Variants in TBC1D22B observed in about 807,000 individuals in gnomAD.
TBC1D22B encodes the protein TBC1 domain family member 22B.
Under a neutral mutation model 69.1 loss-of-function variants are expected in TBC1D22B, and 32 were observed. The ratio of observed to expected loss-of-function variants is 0.46; its 90% CI spans 0.35 to 0.62. The LOEUF (loss-of-function observed/expected upper bound fraction) is 0.62, where lower values mean the gene tolerates loss of function less well. Ranked by LOEUF, TBC1D22B falls within the 20% of genes least tolerant of loss-of-function variation. The probability of loss-of-function intolerance (pLI) is 0.00; values close to 1 mark genes in which losing one functional copy is unlikely to be tolerated. For synonymous variants in TBC1D22B, 206 were observed against 229.8 expected, an observed-to-expected ratio of 0.90 and a Z score of 0.94; for missense variants, 462 against 630.9, an observed-to-expected ratio of 0.73 and a Z score of 2.87.
chr6:37,287,221 G>A (rs534449988), intron 7 of TBC1D22B, 149 bp downstream of exon 7: 2 of 569,326 alleles, frequency 3.5e-6, no homozygotes, highest in East Asian at 3.3e-5. Flanking sequence ...ATTTTCATTT[G>A]ATCTTTGTTA....
intron 12 of TBC1D22B, among the ~76,000 whole-genome samples, chr6:37,327,028 A>G (rs1398851385): frequency 6.6e-6 from 1 of 152,190 alleles, no homozygotes; most frequent in African/African-American, 2.4e-5. Context: ...TAGCAAAAAG[A>G]GGCAACACCT....
intron 8 of TBC1D22B, chr6:37,295,700 C>T: frequency 2.7e-6 from 1 of 367,920 alleles, no homozygotes. Flanking sequence ...CCTGGCTCCT[C>T]TCCAAATCCA....
intron 8 of TBC1D22B, among the ~76,000 whole-genome samples, chr6:37,304,155 C>G (rs1189097842): frequency 1.3e-5 from 2 of 152,226 alleles, no homozygotes; most frequent in East Asian, 3.8e-4. Flanking sequence ...AAAGTTCTCT[C>G]TCCCCTAAGG....
chr6:37,311,196 T>A (rs1255508734), intron 8 of TBC1D22B, among the ~76,000 whole-genome samples: 1 of 144,030 alleles, frequency 6.9e-6, no homozygotes, highest in Non-Finnish European at 1.5e-5. Context: ...TTTTTTTTTT[T>A]AGGTCATTCC....
chr6:37,310,027 TATA>T (rs954752851), intron 8 of TBC1D22B, among the ~76,000 whole-genome samples: 6 of 147,012 alleles, frequency 4.1e-5, no homozygotes, highest in African/African-American at 1.2e-4. Flanking sequence ...TATTATAAAA[TATA>T]AAATTATATT....
chr6:37,326,828 A>C (rs547030395), intron 12 of TBC1D22B, among the ~76,000 whole-genome samples: 9 of 152,344 alleles, frequency 5.9e-5, no homozygotes, highest in African/African-American at 2.2e-4. Flanking sequence ...ACAGAGGTGA[A>C]TATCACAAAT....
intron 12 of TBC1D22B, among the ~76,000 whole-genome samples, chr6:37,325,224 T>C (rs900312399): frequency 1.3e-5 from 2 of 152,206 alleles, no homozygotes; most frequent in Non-Finnish European, 2.9e-5. Context: ...CCTTTTCCTG[T>C]GTGAATTTTC....
chr6:37,317,012 G>C, intron 11 of TBC1D22B, 99 bp from the exon 12 acceptor site: 2 of 1,470,780 alleles, frequency 1.4e-6, no homozygotes. Context: ...CCCCAACCGT[G>C]AAAGAGTTTC....
chr6:37,298,203 A>C (rs994815894), intron 8 of TBC1D22B, among the ~76,000 whole-genome samples: 2 of 152,206 alleles, frequency 1.3e-5, no homozygotes, highest in Non-Finnish European at 2.9e-5. Context: ...AATTTAAAAA[A>C]AAAATCAAAA....
At chr6:37,274,741 A>G (rs1766607853) in intron 2 of TBC1D22B, among the ~76,000 whole-genome samples, 1 of 152,194 alleles carries the variant, frequency 6.6e-6, no homozygotes, top group African/African-American at 2.4e-5. Flanking sequence ...TGACTTTGAT[A>G]GAGTTGTGTT....
chr6:37,294,695 T>A (rs1767302067), intron 8 of TBC1D22B, among the ~76,000 whole-genome samples: 2 of 152,210 alleles, frequency 1.3e-5, no homozygotes. Context: ...AGCACATCTG[T>A]TTATGGCATG....
chr6:37,306,404 C>T (rs553725455), intron 8 of TBC1D22B, among the ~76,000 whole-genome samples: 13 of 152,172 alleles, frequency 8.5e-5, no homozygotes, highest in African/African-American at 1.9e-4. Context: ...CCTGAGCCTC[C>T]CAGAGCCTGT....
rs1222972212 is a variant in TBC1D22B at position 37,291,226 on chromosome 6, C to T, written c.868-17C>T. The T allele has an allele frequency of 6.4e-7, 1 of 1,565,180 alleles. No homozygotes were observed. The highest frequency in any genetic ancestry group is 1.7e-5 in the Admixed American group (1 of 59,862). ...CCCGTGATTTAACACTCGTGTCTTT[C>T]TTTCTCATTTTCCTAGATCTTTGAA... On this transcript the variant is annotated splice_polypyrimidine_tract_variant and intron_variant, in intron 7 of 12. Transcript: ENST00000373491.
intron 1 of TBC1D22B, among the ~76,000 whole-genome samples, chr6:37,264,206 A>G (rs895072519): frequency 2.6e-5 from 4 of 152,238 alleles, no homozygotes; most frequent in Non-Finnish European, 5.9e-5. Flanking sequence ...TTAGGGATAC[A>G]TACATAGAAA....
chr6:37,318,633 G>T (rs147688107), intron 12 of TBC1D22B, among the ~76,000 whole-genome samples: 3 of 152,316 alleles, frequency 2.0e-5, no homozygotes, highest in African/African-American at 7.2e-5. Flanking sequence ...ATGACTACAT[G>T]AAGAGGTCAG....
At chr6:37,280,590 G>A (rs1766793614) in intron 3 of TBC1D22B, among the ~76,000 whole-genome samples, 6 of 152,374 alleles carry the variant, frequency 3.9e-5, no homozygotes, top group Admixed American at 3.3e-4. Context: ...TACACACTGT[G>A]ATGGAGGGTC....
At chr6:37,284,203 A>G in intron 5 of TBC1D22B, 133 bp from the exon 6 acceptor site, 1 of 1,417,892 alleles carries the variant, frequency 7.1e-7, no homozygotes, top group South Asian at 1.2e-5. Flanking sequence ...ATGGGTGGCC[A>G]GAACCAAAAA....
chr6:37,304,936 A>T (rs943458736), intron 8 of TBC1D22B, among the ~76,000 whole-genome samples: 12 of 152,242 alleles, frequency 7.9e-5, no homozygotes, highest in African/African-American at 2.7e-4. Context: ...CAAGTGTGGG[A>T]GCAGGAGGCA....
chr6:37,322,366 C>T (rs374750947), intron 12 of TBC1D22B, among the ~76,000 whole-genome samples: 17 of 152,182 alleles, frequency 1.1e-4, no homozygotes, highest in African/African-American at 3.9e-4. Context: ...GGTGAAACTC[C>T]GTCAGCCAGG....
Sources: allele counts gnomAD v4.1 joint callset (sites outside exome capture counted in the v4.1 genomes callset), GRCh38; gene constraint gnomAD v4.1.1; transcripts MANE v1.5; gene names NCBI Gene and HGNC (gene_info 2026-07-23, HGNC 2026-07-21).